CSMD1: variants seen among roughly 807,000 people sequenced by gnomAD.
The protein encoded by CSMD1 is CUB and sushi domain-containing protein 1.
CSMD1 carries 213 observed loss-of-function variants against 417.5 expected under a neutral mutation model. The ratio of observed to expected loss-of-function variants is 0.51; its 90% confidence interval spans 0.46 to 0.57. The LOEUF (loss-of-function observed/expected upper bound fraction) is 0.57, where lower values mean the gene tolerates loss of function less well. Among genes scored for constraint, CSMD1 ranks in the 20% least tolerant of loss-of-function variants. CSMD1 has a pLI of 0.00. For synonymous variants in CSMD1, 2,862 were observed against 1,736.8 expected, an observed-to-expected ratio of 1.65 and a Z score of -16.11; for missense variants, 6,923 against 4,529.7, an observed-to-expected ratio of 1.53 and a Z score of -15.17.
intron 3 of CSMD1, among the ~76,000 whole-genome samples, chr8:4,351,079 G>C (rs974401955): frequency 2.6e-5 from 4 of 151,962 alleles, no homozygotes; most frequent in African/African-American, 9.7e-5. Context: ...AGAACTTCAG[G>C]AGTCTGAAGC....
chr8:4,846,573 C>A (rs1801159473), intron 1 of CSMD1, among the ~76,000 whole-genome samples: 1 of 152,210 alleles, frequency 6.6e-6, no homozygotes, highest in African/African-American at 2.4e-5. Flanking sequence ...ACTCATGGTA[C>A]TTTTCTACCC....
intron 52 of CSMD1, among the ~76,000 whole-genome samples, chr8:3,017,679 C>G (rs1808959760): frequency 6.6e-6 from 1 of 151,916 alleles, no homozygotes; most frequent in Non-Finnish European, 1.5e-5. Flanking sequence ...TTCAAATTCT[C>G]CCAAATGAAA....
intron 41 of CSMD1, among the ~76,000 whole-genome samples, chr8:3,131,617 G>A (rs1275287952): frequency 1.3e-5 from 2 of 151,612 alleles, no homozygotes; most frequent in Non-Finnish European, 2.9e-5. Flanking sequence ...GATTAAAGTT[G>A]CCTGCCACCA....
At chr8:4,571,663 G>C (rs899805299) in intron 2 of CSMD1, among the ~76,000 whole-genome samples, 3 of 151,946 alleles carry the variant, frequency 2.0e-5, no homozygotes, top group African/African-American at 7.2e-5. Context: ...GGTCCACTGA[G>C]TTCAAGTCCT....
intron 2 of CSMD1, among the ~76,000 whole-genome samples, chr8:4,458,044 C>T (rs1025269282): frequency 6.6e-6 from 1 of 151,980 alleles, no homozygotes; most frequent in African/African-American, 2.4e-5. Flanking sequence ...CTTTAAAATT[C>T]CTTTTACCCC....
intron 40 of CSMD1, among the ~76,000 whole-genome samples, chr8:3,145,904 C>T (rs1450121821): frequency 1.3e-5 from 2 of 152,330 alleles, no homozygotes; most frequent in Admixed American, 6.5e-5. Flanking sequence ...AAGTCACCTG[C>T]ACAGAGAATT....
chr8:4,889,743 T>G (rs151071737), intron 1 of CSMD1, among the ~76,000 whole-genome samples: 1 of 152,234 alleles, frequency 6.6e-6, no homozygotes, highest in African/African-American at 2.4e-5. Flanking sequence ...TTGGCTATTT[T>G]TGACACATTA....
chr8:4,383,437 C>T (rs1370904000), intron 3 of CSMD1, among the ~76,000 whole-genome samples: 6 of 152,138 alleles, frequency 3.9e-5, no homozygotes, highest in Non-Finnish European at 2.9e-5. Flanking sequence ...CAGCCAGATA[C>T]CATGAATTTC....
chr8:3,693,983 TTGTTA>T (rs1800400247), intron 7 of CSMD1, among the ~76,000 whole-genome samples: 1 of 150,788 alleles, frequency 6.6e-6, no homozygotes, highest in Admixed American at 6.6e-5. Flanking sequence ...GGTATGTGTG[TTGTTA>T]GTGTGTGTGT....
chr8:4,603,031 C>A (rs1318884991), intron 2 of CSMD1, among the ~76,000 whole-genome samples: 1 of 151,710 alleles, frequency 6.6e-6, no homozygotes. Flanking sequence ...GATTCTCCAA[C>A]TGAAATTCTA....
At chr8:3,893,230 A>G (rs1807104905) in intron 5 of CSMD1, among the ~76,000 whole-genome samples, 1 of 150,222 alleles carries the variant, frequency 6.7e-6, no homozygotes, top group African/African-American at 2.4e-5. Flanking sequence ...CTTAAAACAC[A>G]TTTTTTCTTC....
At chr8:4,479,820 C>A (rs954548947) in intron 2 of CSMD1, among the ~76,000 whole-genome samples, 3 of 151,766 alleles carry the variant, frequency 2.0e-5, no homozygotes, top group Non-Finnish European at 1.5e-5. Flanking sequence ...AAAAATTAGC[C>A]AGGCGTGGTG....
intron 9 of CSMD1, among the ~76,000 whole-genome samples, chr8:3,580,308 G>C (rs139791341): frequency 6.6e-6 from 1 of 152,048 alleles, no homozygotes; most frequent in Non-Finnish European, 1.5e-5. Flanking sequence ...TGAGGGAAAA[G>C]GCCTGCTCTG....
intron 5 of CSMD1, among the ~76,000 whole-genome samples, chr8:3,798,052 T>C (rs992122819): frequency 7.9e-5 from 12 of 152,044 alleles, no homozygotes; most frequent in African/African-American, 2.9e-4. Context: ...TTTTTATTTC[T>C]TCTTAATAAT....
At chr8:3,056,390 G>A (rs1477127509) in intron 49 of CSMD1, among the ~76,000 whole-genome samples, 1 of 151,994 alleles carries the variant, frequency 6.6e-6, no homozygotes, top group Non-Finnish European at 1.5e-5. Context: ...TTCTTTTTGA[G>A]ACAAGGTCTC....
intron 3 of CSMD1, among the ~76,000 whole-genome samples, chr8:4,105,917 C>A (rs559219856): frequency 2.6e-4 from 40 of 152,306 alleles, no homozygotes; most frequent in African/African-American, 8.7e-4. Context: ...AGGCTTCAGC[C>A]CAAGGTTCGG....
intron 3 of CSMD1, among the ~76,000 whole-genome samples, chr8:4,055,305 A>C (rs1464248367): frequency 1.3e-5 from 2 of 152,130 alleles, no homozygotes; most frequent in East Asian, 1.9e-4. Context: ...GAAAGATTCC[A>C]ATGTCTCCTT....
intron 3 of CSMD1, among the ~76,000 whole-genome samples, chr8:4,307,383 T>G (rs1309571363): frequency 6.6e-6 from 1 of 152,130 alleles, no homozygotes; most frequent in East Asian, 1.9e-4. Flanking sequence ...CAGCTTGGCC[T>G]CCTGCACTCT....
intron 1 of CSMD1, among the ~76,000 whole-genome samples, chr8:4,791,215 A>G (rs1797670775): frequency 6.6e-6 from 1 of 151,326 alleles, no homozygotes; most frequent in African/African-American, 2.4e-5. Flanking sequence ...TGCGTGGAAG[A>G]AGCAGAGGCA....
Sources: allele counts gnomAD v4.1 joint callset (sites outside exome capture counted in the v4.1 genomes callset), GRCh38; gene constraint gnomAD v4.1.1; transcripts MANE v1.5; gene names NCBI Gene and HGNC (gene_info 2026-07-23, HGNC 2026-07-21).